The following LLGL2 variants were observed in gnomAD, a reference collection of about 807,000 sequenced individuals.
LLGL2 encodes LLGL scribble cell polarity complex component 2.
A neutral mutation model predicts 123.2 loss-of-function variants in LLGL2; 81 were observed. The ratio of observed to expected loss-of-function variants is 0.66; its 90% CI spans 0.55 to 0.79. The LOEUF is 0.79. Ranked by LOEUF, LLGL2 falls within the 30% of genes least tolerant of loss-of-function variation. The pLI is 0.00. For missense variants in LLGL2, 1,273 were observed against 1,414.6 expected (o/e 0.90, Z 1.61); for synonymous variants, 577 against 594.1 (o/e 0.97, Z 0.42).
chr17:75,528,652 C>T (rs534610908), intron 1 of LLGL2, among the ~76,000 whole-genome samples: 198 of 152,022 alleles, frequency 1.3e-3, no homozygotes, highest in Non-Finnish European at 2.2e-3. Flanking sequence ...GCAGGAGAAT[C>T]GCTTGAACCT....
chr17:75,567,942 CGAGAA>C (rs1488376000), intron 10 of LLGL2: 14 of 552,592 alleles, frequency 2.5e-5, no homozygotes, highest in African/African-American at 1.1e-4. Context: ...AACCCTGTCT[CGAGAA>C]AAGAAAAAAA....
chr17:75,569,296 T>C lies in LLGL2; in HGVS notation c.1552T>C (p.Tyr518His), dbSNP rs906537768. ...QKIFLCKYSG[Y>H]LAVAGTAGQV... is the part of the protein sequence containing the mutation. ...GATCTTCCTCTGCAAGTACAGCGGC[T>C]ACCTGGCTGTGGCAGGCACGGCAGG... Residue 518 changes from tyrosine to histidine, a missense_variant, in exon 14 of 26, where the codon TAC becomes CAC. Tyr to His is a moderately conservative substitution (Grantham distance 83). Coordinates refer to ENST00000392550, the MANE Select transcript of LLGL2 (RefSeq NM_001031803.2). The C allele has an allele frequency of 8.1e-6, 13 of 1,613,188 alleles. No individual in the cohort carries two copies. The African/African-American group carries it at 1.6e-4, about 20-fold the overall frequency.
chr17:75,568,043 G>A (rs2055521831), intron 10 of LLGL2: 1 of 1,052,588 alleles, frequency 9.5e-7, no homozygotes, highest in Non-Finnish European at 1.1e-6. Flanking sequence ...ATGTGATTGT[G>A]TGCAGTAAAG....
rs886773716 is a variant in LLGL2, at chr17:75,573,967, G to C, written c.2892G>C (p.Gln964His). Residue 964 changes from glutamine (Q) to histidine (H), a missense_variant, in exon 22 of 26, where the codon CAG becomes CAC. Coordinates refer to ENST00000392550, the MANE Select transcript of LLGL2 (RefSeq NM_001031803.2). ...TCCCCCACAGGAACTCAGGGACTCA[G>C]AGTGATGGCGAGGGTAAGACAGGCC... is the stretch of plus-strand genomic sequence containing the variant. ...APSRARNSGTQSDGEEKQPGL... is the reference protein window; with the variant it reads ...APSRARNSGTHSDGEEKQPGL... 106 of 1,550,780 alleles carry C rather than the reference G, an allele frequency of 6.8e-5. No individual in the cohort carries two copies. Among genetic ancestry groups the C allele is most frequent in the Non-Finnish European group, 8.6e-5 (99 of 1,146,998 alleles).
Position 75,558,328 on chromosome 17 carries a change from G to A in LLGL2, c.255+92G>A, listed in dbSNP as rs1451614049. The stretch of plus-strand genomic sequence containing the variant: ...GGCTGGTGTGGAGAGGCTGGCATTC[G>A]GTGGCCCTGGGTTTGCTGCTGATGG... On this transcript the variant is annotated intron_variant, in intron 4 of 25. Transcript: ENST00000392550. The surrounding 1 kb of genome is among the most constrained non-coding windows in gnomAD (Gnocchi z 4.0). The A allele has an allele frequency of 1.7e-5, 22 of 1,332,992 alleles. No homozygotes were observed. The highest frequency in any genetic ancestry group is 2.9e-5 in the African/African-American group (2 of 69,232). 82.6% of individuals were successfully genotyped at this position (1,332,992 alleles called of 1,614,324 possible).
intron 1 of LLGL2, among the ~76,000 whole-genome samples, chr17:75,533,922 C>T (rs2147113547): frequency 6.6e-6 from 1 of 152,326 alleles, no homozygotes; most frequent in South Asian, 2.1e-4. Flanking sequence ...AATAAAATTC[C>T]AGTCCCTCCC....
chr17:75,549,728 C>G lies in LLGL2; in HGVS notation c.75+6227C>G, dbSNP rs1367391694. On this transcript the variant is annotated intron_variant, in intron 2 of 25. Coordinates refer to ENST00000392550, the MANE Select transcript of LLGL2 (RefSeq NM_001031803.2). This position sits in a 1 kb window ranked among gnomAD's most constrained non-coding sequence, Gnocchi z 4.0. ...GCCTGGTGCCCACCACTGCCTCCTT[C>G]CCACCCCCTGAGGAGTGCCAGGGAC... 6.6e-6 allele frequency among the ~76,000 whole-genome samples: 1 copy of G among 152,200 alleles called. No individual in the cohort carries two copies. Among genetic ancestry groups the G allele is most frequent in the Non-Finnish European group, 1.5e-5 (1 of 68,036 alleles).
chr17:75,527,255 C>T lies in LLGL2; in HGVS notation c.-31+1430C>T, dbSNP rs1025315599. ...AAGGAGAACTGTGCGAGAGATGTCT[C>T]AGCTTTATTTTATGAACTGGGATTT... On this transcript the variant is annotated intron_variant, in intron 1 of 25. Transcript: ENST00000392550. 5.3e-5 allele frequency among the ~76,000 whole-genome samples: 8 copies of T among 151,706 alleles called. No homozygotes were observed. In the South Asian group the frequency reaches 1.7e-3, roughly 32 times the overall value.
rs115026154 is a variant in LLGL2 at position 75,570,013 on chromosome 17, G to C, written c.1632G>C (p.Gln544His). ...NDEAAEQAVE[Q>H]VEADLLQDQE... ...AGGCAGCGGAGCAGGCTGTGGAGCA[G>C]GTGGAGGCCGACCTGCTGCAGGACC... Residue 544 changes from glutamine to histidine, a missense_variant, in exon 15 of 26, where the codon CAG becomes CAC. Gln to His is a conservative substitution (Grantham distance 24). Coordinates refer to ENST00000392550, the MANE Select transcript of LLGL2 (RefSeq NM_001031803.2). 5,076 of 1,611,682 alleles carry C rather than the reference G, an allele frequency of 3.1e-3. 141 individuals are homozygous for C. The African/African-American group carries it at 0.059, about 19-fold the overall frequency.
chr17:75,535,577 A>C (rs2053970041), intron 1 of LLGL2, among the ~76,000 whole-genome samples: 1 of 152,340 alleles, frequency 6.6e-6, no homozygotes, highest in African/African-American at 2.4e-5. Flanking sequence ...TCTCACAGGG[A>C]CAAATTAGCC....
In LLGL2 at chr17:75,564,663, GTC is replaced by G; in HGVS notation, c.1036+157_1036+158del. The G allele has an allele frequency of 1.6e-6, 2 of 1,287,414 alleles. No individual in the cohort carries two copies. Among genetic ancestry groups the G allele is most frequent in the Non-Finnish European group, 2.1e-6 (2 of 951,524 alleles). The allele number at this position is 1,287,414 out of a possible 1,614,324, so 79.7% of individuals were successfully genotyped here. A position where few individuals can be genotyped will look rare whatever the true frequency, so the allele number is the denominator to read the frequency against. On this transcript the variant is annotated intron_variant, in intron 10 of 25. Transcript: ENST00000392550. This position sits in a 1 kb window ranked among gnomAD's most constrained non-coding sequence, Gnocchi z 4.9. ...GGATCGCTTGAACCCAGGAGTTCAA[GTC>G]CAGCCTGGACAACGTAGGGAGACCC... is the stretch of plus-strand genomic sequence containing the variant.
intron 1 of LLGL2, among the ~76,000 whole-genome samples, chr17:75,535,094 T>C (rs1409765036): frequency 6.6e-6 from 1 of 152,142 alleles, no homozygotes; most frequent in Non-Finnish European, 1.5e-5. Flanking sequence ...CAGGGCGACA[T>C]GGGCACTTGC....
In LLGL2 at chr17:75,559,057, C is replaced by T. The variant is rs2055077334; in HGVS notation, c.372-195C>T. 1 of 649,502 alleles carries T rather than the reference C, an allele frequency of 1.5e-6. No individual in the cohort carries two copies. The highest frequency in any genetic ancestry group is 2.0e-5 in the South Asian group (1 of 48,970). 40.2% of individuals were successfully genotyped at this position (649,502 alleles called of 1,614,324 possible). ...TGCTGGAGGGTCCCTGGCGTCTTTC[C>T]TGCCTCCTAGCCCAGGCTCTCTGCC... On this transcript the variant is annotated intron_variant, in intron 5 of 25. Coordinates refer to ENST00000392550, the MANE Select transcript of LLGL2 (RefSeq NM_001031803.2). This position sits in a 1 kb window ranked among gnomAD's most constrained non-coding sequence, Gnocchi z 4.6.
intron 1 of LLGL2, among the ~76,000 whole-genome samples, chr17:75,527,152 A>G (rs2053602414): frequency 7.7e-6 from 1 of 130,074 alleles, no homozygotes; most frequent in African/African-American, 3.0e-5. Context: ...CTGGGGACAG[A>G]GTGAGACCCT....
chr17:75,571,488 G>C (rs780349290), intron 17 of LLGL2, 179 bp from the exon 18 acceptor site: 3 of 605,018 alleles, frequency 5.0e-6, no homozygotes, highest in Non-Finnish European at 5.9e-6. Context: ...CTCCCCTGCT[G>C]TATCACAGCA....
intron 1 of LLGL2, among the ~76,000 whole-genome samples, chr17:75,526,158 C>A (rs1358031581): frequency 6.6e-6 from 1 of 152,102 alleles, no homozygotes; most frequent in Non-Finnish European, 1.5e-5. Context: ...ACGGAGTCCC[C>A]GGGCCCACGT....
chr17:75,556,745 G>A (rs1399841650), intron 3 of LLGL2, among the ~76,000 whole-genome samples: 1 of 152,228 alleles, frequency 6.6e-6, no homozygotes, highest in Non-Finnish European at 1.5e-5. Context: ...CTTGTCGCTA[G>A]GGATGTTTTT....
rs1436608634 is a variant in LLGL2, at chr17:75,552,484, C to CA, written c.76-3553dup. 5.3e-5 allele frequency among the ~76,000 whole-genome samples: 8 copies of CA among 151,280 alleles called. No individual in the cohort carries two copies. The South Asian group carries it at 1.5e-3, about 28-fold the overall frequency. On this transcript the variant is annotated intron_variant, in intron 2 of 25. Coordinates refer to ENST00000392550, the MANE Select transcript of LLGL2 (RefSeq NM_001031803.2). ...AGGCGTGACAGGCGTGACCCTATCT[C>CA]AAAAAAAAATTATATATTCCTTTTA... is the stretch of plus-strand genomic sequence containing the variant.
chr17:75,533,448 G>A (rs1239105288), intron 1 of LLGL2, among the ~76,000 whole-genome samples: 1 of 151,520 alleles, frequency 6.6e-6, no homozygotes, highest in Non-Finnish European at 1.5e-5. Context: ...GGGACTACAG[G>A]CGCCCGCCAT....
Sources: gnomAD v4.1 joint callset for allele counts (sites outside exome capture counted in the v4.1 genomes callset) on GRCh38, gnomAD v4.1.1 for gene constraint, Gnocchi (gnomAD v3.1) non-coding constraint, MANE v1.5 for transcripts, NCBI Gene and HGNC (gene_info 2026-07-23, HGNC 2026-07-21) for gene names.